The following HECTD4 variants were observed in gnomAD, a reference collection of about 807,000 sequenced individuals.
HECTD4 encodes probable E3 ubiquitin-protein ligase HECTD4.
A neutral mutation model predicts 471.5 loss-of-function variants in HECTD4; 114 were observed. The ratio of observed to expected loss-of-function variants is 0.24; its 90% CI spans 0.21 to 0.28. The LOEUF is 0.28. HECTD4 is among the 10% of genes least tolerant of loss of function. HECTD4 has a pLI of 1.00. For missense variants in HECTD4, 3,866 were observed against 5,651.5 expected (o/e 0.68, Z 10.13); for synonymous variants, 2,012 against 2,256.0 (o/e 0.89, Z 3.07).
chr12:112,359,306 A>G (rs1367060339), intron 1 of HECTD4, among the ~76,000 whole-genome samples: 1 of 149,382 alleles, frequency 6.7e-6, no homozygotes, highest in East Asian at 1.9e-4. Flanking sequence ...TTTTTTTTTT[A>G]AAGGAATAAT....
chr12:112,230,434 AAAC>A (rs1295877207), intron 40 of HECTD4, among the ~76,000 whole-genome samples: 2 of 152,160 alleles, frequency 1.3e-5, no homozygotes, highest in East Asian at 3.9e-4. Flanking sequence ...AGAAGAAGAG[AAAC>A]AAGGCCTGTC....
In HECTD4 at chr12:112,230,736, A is replaced by T; in HGVS notation, c.6287T>A (p.Met2096Lys). 1 of 1,611,254 alleles carries T rather than the reference A, an allele frequency of 6.2e-7. No individual in the cohort carries two copies. Among genetic ancestry groups the T allele is most frequent in the East Asian group, 2.2e-5 (1 of 44,842 alleles). Residue 2096 changes from methionine (M) to lysine (K), a missense_variant, in exon 40 of 76, where the codon ATG (methionine) becomes AAG (lysine). Transcript: ENST00000682272. ...EVIALLHSLLMAPESNAAQIW... is the reference protein window; with the variant it reads ...EVIALLHSLLKAPESNAAQIW... ...TTGAGCAGCATTTGATTCAGGTGCC[A>T]TGAGCAAGCTATGTAGCAAGGCGAT...
chr12:112,330,560 G>GT (rs749186044), intron 1 of HECTD4, among the ~76,000 whole-genome samples: 2 of 152,162 alleles, frequency 1.3e-5, no homozygotes, highest in Non-Finnish European at 2.9e-5. Flanking sequence ...TCTGATACGT[G>GT]TAACAGTTAC....
intron 1 of HECTD4, among the ~76,000 whole-genome samples, chr12:112,332,887 C>T (rs1284748610): frequency 6.6e-6 from 1 of 151,446 alleles, no homozygotes; most frequent in African/African-American, 2.4e-5. Flanking sequence ...CCCTTGGCAA[C>T]CACTATTCTA....
At chr12:112,217,296 G>C in intron 45 of HECTD4, 101 bp from the exon 46 acceptor site, 1 of 760,556 alleles carries the variant, frequency 1.3e-6, no homozygotes, top group South Asian at 2.8e-5. Context: ...TTAAAATATA[G>C]GCATACACAC....
chr12:112,310,276 C>A (rs2035347315), intron 4 of HECTD4, among the ~76,000 whole-genome samples: 1 of 152,168 alleles, frequency 6.6e-6, no homozygotes, highest in Non-Finnish European at 1.5e-5. Flanking sequence ...TAATGATATA[C>A]ATTAAACTAA....
chr12:112,240,833 C>G (rs532758593), intron 32 of HECTD4, among the ~76,000 whole-genome samples: 7 of 152,226 alleles, frequency 4.6e-5, no homozygotes, highest in African/African-American at 1.7e-4. Context: ...CAGTTATTAG[C>G]AGAAGATGAA....
intron 1 of HECTD4, among the ~76,000 whole-genome samples, chr12:112,352,460 C>T (rs763233112): frequency 7.2e-5 from 11 of 151,826 alleles, no homozygotes; most frequent in Non-Finnish European, 1.2e-4. Context: ...CTCAGCCTCC[C>T]GGGTAGCTGG....
At chr12:112,323,000 GC>G (rs1341691405) in intron 1 of HECTD4, 2 of 182,378 alleles carry the variant, frequency 1.1e-5, no homozygotes, top group Non-Finnish European at 2.3e-5. Context: ...AGCACAAACT[GC>G]CAGTACCTGG....
At chr12:112,208,893 CT>C (rs756330403) in intron 50 of HECTD4, among the ~76,000 whole-genome samples, 160 of 72,464 alleles carry the variant, frequency 2.2e-3, no homozygotes, top group African/African-American at 4.4e-3. Context: ...ACTAAACAGG[CT>C]TTTTTTTTTT....
chr12:112,328,608 T>C (rs2035792296), intron 1 of HECTD4, among the ~76,000 whole-genome samples: 1 of 152,198 alleles, frequency 6.6e-6, no homozygotes, highest in Non-Finnish European at 1.5e-5. Context: ...AAAGCTCTCA[T>C]GCGAGCCAAG....
intron 32 of HECTD4, among the ~76,000 whole-genome samples, chr12:112,242,298 T>C (rs541760358): frequency 2.6e-5 from 4 of 152,126 alleles, no homozygotes; most frequent in Non-Finnish European, 5.9e-5. Flanking sequence ...ATCTATATAA[T>C]GTATATCTAT....
At chr12:112,367,908 C>A (rs1403183230) in intron 1 of HECTD4, among the ~76,000 whole-genome samples, 1 of 146,298 alleles carries the variant, frequency 6.8e-6, no homozygotes, top group Non-Finnish European at 1.5e-5. Flanking sequence ...TAAATAGCTA[C>A]ATCTATTGTA....
intron 2 of HECTD4, among the ~76,000 whole-genome samples, chr12:112,315,703 C>T (rs368259733): frequency 8.2e-4 from 125 of 152,130 alleles, no homozygotes; most frequent in African/African-American, 2.9e-3. Context: ...GGAATTATTA[C>T]CTGCCAGATT....
chr12:112,359,841 G>T (rs1405778659), intron 1 of HECTD4, among the ~76,000 whole-genome samples: 1 of 152,044 alleles, frequency 6.6e-6, no homozygotes, highest in Non-Finnish European at 1.5e-5. Flanking sequence ...GCTTCCCAAA[G>T]TGCTGAGACT....
intron 32 of HECTD4, among the ~76,000 whole-genome samples, chr12:112,241,066 C>T (rs1381845771): frequency 6.6e-6 from 1 of 152,154 alleles, no homozygotes; most frequent in Non-Finnish European, 1.5e-5. Context: ...CCACTAAGAA[C>T]ACTACGGGAG....
At chr12:112,290,367 T>G (rs911461931) in intron 7 of HECTD4, among the ~76,000 whole-genome samples, 2 of 151,450 alleles carry the variant, frequency 1.3e-5, no homozygotes, top group African/African-American at 4.9e-5. Flanking sequence ...TAGAAAATAA[T>G]TTTTTAAATT....
rs1053522207 is a variant in HECTD4, at chr12:112,228,932, A to G, written c.6520-121T>C. ...TGTTGGCGTTACAGTAATAGTTTAT[A>G]CTACTAGGGTAGCAGATACCAAGCC... is the stretch of plus-strand genomic sequence containing the variant. On this transcript the variant is annotated intron_variant, in intron 41 of 75. Transcript: ENST00000682272. This position sits in a 1 kb window ranked among gnomAD's most constrained non-coding sequence, Gnocchi z 4.9. 3 of 952,166 alleles carry G rather than the reference A, an allele frequency of 3.2e-6. No homozygotes were observed. 59.0% of individuals were successfully genotyped at this position (952,166 alleles called of 1,614,324 possible). A position where few individuals can be genotyped will look rare whatever the true frequency, so the allele number is the denominator to read the frequency against.
At chr12:112,170,513 C>A (rs1032771744) in intron 68 of HECTD4, 61 bp from the exon 69 acceptor site, 12 of 1,497,250 alleles carry the variant, frequency 8.0e-6, no homozygotes, top group Admixed American at 1.9e-5. Flanking sequence ...CCCAGTCCCC[C>A]CAAGACTCTC....
Sources: gnomAD v4.1 joint callset for allele counts (sites outside exome capture counted in the v4.1 genomes callset) on GRCh38, gnomAD v4.1.1 for gene constraint, Gnocchi (gnomAD v3.1) non-coding constraint, MANE v1.5 for transcripts, NCBI Gene and HGNC (gene_info 2026-07-23, HGNC 2026-07-21) for gene names.